The following MAGI1 variants were observed in gnomAD, a reference collection of about 807,000 sequenced individuals.
MAGI1 encodes membrane-associated guanylate kinase, WW and PDZ domain-containing protein 1.
Under a neutral mutation model 139.9 loss-of-function variants are expected in MAGI1, and 58 were observed. The ratio of observed to expected loss-of-function variants is 0.41; its 90% CI spans 0.34 to 0.52. The LOEUF is 0.52. Among genes scored for constraint, MAGI1 ranks in the 20% least tolerant of loss-of-function variants. MAGI1 has a pLI of 0.12. For missense variants in MAGI1, 1,874 were observed against 1,901.6 expected, an observed-to-expected ratio of 0.99 and a Z score of 0.27; for synonymous variants, 812 against 737.9, an observed-to-expected ratio of 1.10 and a Z score of -1.63.
chr3:65,489,213 C>T (rs754571676), intron 3 of MAGI1, among the ~76,000 whole-genome samples: 2 of 152,098 alleles, frequency 1.3e-5, no homozygotes, highest in Non-Finnish European at 2.9e-5. Context: ...CTTTGAAGAG[C>T]ACCTACTATG....
intron 1 of MAGI1, among the ~76,000 whole-genome samples, chr3:65,843,210 G>A (rs1449910110): frequency 6.6e-6 from 1 of 152,136 alleles, no homozygotes; most frequent in Non-Finnish European, 1.5e-5. Context: ...ATTATCTCCT[G>A]GATCCTTTTT....
At chr3:65,572,471 T>C (rs576665384) in intron 2 of MAGI1, among the ~76,000 whole-genome samples, 13 of 151,944 alleles carry the variant, frequency 8.6e-5, no homozygotes, top group Non-Finnish European at 1.8e-4. Flanking sequence ...AGCTGGGGAG[T>C]TACTACTGTC....
chr3:65,519,800 G>A (rs979510366), intron 2 of MAGI1, among the ~76,000 whole-genome samples: 2 of 152,222 alleles, frequency 1.3e-5, no homozygotes, highest in African/African-American at 2.4e-5. Context: ...TGAAGTTACA[G>A]ATTGTGATAG....
At chr3:65,985,006 C>T (rs750673479) in intron 1 of MAGI1, among the ~76,000 whole-genome samples, 4 of 152,172 alleles carry the variant, frequency 2.6e-5, no homozygotes, top group Non-Finnish European at 5.9e-5. Context: ...TCTAACTCTC[C>T]ATCCAGTTCT....
intron 1 of MAGI1, among the ~76,000 whole-genome samples, chr3:66,019,778 T>C (rs1205813121): frequency 6.6e-6 from 1 of 152,160 alleles, no homozygotes; most frequent in East Asian, 1.9e-4. Context: ...GCAATTAAAT[T>C]TCCCATGGCA....
intron 2 of MAGI1, among the ~76,000 whole-genome samples, chr3:65,526,189 CTT>C: frequency 6.6e-6 from 1 of 152,190 alleles, no homozygotes; most frequent in East Asian, 1.9e-4. Flanking sequence ...TTTCACTTTT[CTT>C]TTTTTCCTGC....
chr3:65,733,483 T>G (rs928270024), intron 1 of MAGI1, among the ~76,000 whole-genome samples: 6 of 152,214 alleles, frequency 3.9e-5, no homozygotes, highest in Non-Finnish European at 4.4e-5. Flanking sequence ...CTTGAAGATT[T>G]AGCCCATCAG....
chr3:65,833,509 T>A (rs1575644245), intron 1 of MAGI1, among the ~76,000 whole-genome samples: 1 of 152,180 alleles, frequency 6.6e-6, no homozygotes, highest in African/African-American at 2.4e-5. Context: ...ACAACTCCAA[T>A]TCAAAACAGA....
At chr3:65,642,918 G>A (rs954401577) in intron 1 of MAGI1, among the ~76,000 whole-genome samples, 2 of 152,224 alleles carry the variant, frequency 1.3e-5, no homozygotes, top group African/African-American at 2.4e-5. Context: ...GTTTTGAGTG[G>A]TGCAAGCCAA....
intron 1 of MAGI1, among the ~76,000 whole-genome samples, chr3:66,009,543 A>C (rs193241812): frequency 6.6e-6 from 1 of 152,216 alleles, no homozygotes; most frequent in East Asian, 1.9e-4. Context: ...TCTGAATTCA[A>C]GACCTGGTTC....
chr3:65,892,891 G>A (rs1313718746), intron 1 of MAGI1, among the ~76,000 whole-genome samples: 1 of 152,146 alleles, frequency 6.6e-6, no homozygotes, highest in Non-Finnish European at 1.5e-5. Context: ...GGCTTAGAGA[G>A]GTCACAAAGC....
Position 65,356,451 on chromosome 3 carries a change from C to A in MAGI1, c.4316G>T (p.Gly1439Val), listed in dbSNP as rs144133607. 3.1e-6 allele frequency: 5 copies of A among 1,611,402 alleles called. No individual in the cohort carries two copies. Among genetic ancestry groups the A allele is most frequent in the Non-Finnish European group, 4.2e-6 (5 of 1,179,758 alleles). The change falls in exon 23 of 23, where the codon GGC (glycine) becomes GTC (valine). Residue 1439 changes from glycine (G) to valine (V), a missense_variant. Gly to Val is a moderately radical substitution (Grantham distance 109, BLOSUM62 -3). This residue lies in a region of MAGI1 where 653 missense variants were observed against 644.5 expected (regional missense o/e 1.01). Coordinates refer to ENST00000402939, the MANE Select transcript of MAGI1 (RefSeq NM_001033057.2). ...CTCCGGGGGATGTCTGGAACTTCTG[C>A]CGGCATCCTGTTTCAGATTCGCCTC... ...REEANLKQDAGRSSRHPPEQR... is the reference protein window; with the variant it reads ...REEANLKQDAVRSSRHPPEQR...
intron 1 of MAGI1, among the ~76,000 whole-genome samples, chr3:65,753,987 A>T (rs536337840): frequency 6.6e-6 from 1 of 152,326 alleles, no homozygotes; most frequent in South Asian, 2.1e-4. Flanking sequence ...CACAGTGTGT[A>T]AAGAATGAAT....
intron 2 of MAGI1, among the ~76,000 whole-genome samples, chr3:65,597,479 C>G (rs1451456935): frequency 6.6e-6 from 1 of 151,894 alleles, no homozygotes; most frequent in Non-Finnish European, 1.5e-5. Flanking sequence ...CTCTCCCTAT[C>G]CACTGACCTC....
intron 1 of MAGI1, among the ~76,000 whole-genome samples, chr3:65,879,721 C>T (rs2060251369): frequency 6.6e-6 from 1 of 152,160 alleles, no homozygotes; most frequent in Admixed American, 6.5e-5. Context: ...TAGAAAGGAG[C>T]AAAATGGTAG....
intron 1 of MAGI1, among the ~76,000 whole-genome samples, chr3:65,807,187 C>T (rs1214299818): frequency 1.3e-5 from 2 of 152,138 alleles, no homozygotes; most frequent in Admixed American, 6.5e-5. Context: ...TATAACAGAA[C>T]GCCTTAGACT....
intron 2 of MAGI1, among the ~76,000 whole-genome samples, chr3:65,578,990 T>C (rs1383895261): frequency 1.3e-5 from 2 of 150,324 alleles, no homozygotes; most frequent in African/African-American, 4.9e-5. Context: ...CTGCAAGCTC[T>C]CCTAAAGCGA....
At chr3:65,854,212 C>T (rs1485727707) in intron 1 of MAGI1, among the ~76,000 whole-genome samples, 14 of 149,328 alleles carry the variant, frequency 9.4e-5, no homozygotes, top group Admixed American at 9.3e-4. Context: ...ACTCAGGAGG[C>T]TGAGATGGGA....
At chr3:65,425,003 G>C (rs1946905339) in intron 12 of MAGI1, among the ~76,000 whole-genome samples, 1 of 150,606 alleles carries the variant, frequency 6.6e-6, no homozygotes, top group Non-Finnish European at 1.5e-5. Context: ...TTAAGCCCAG[G>C]AGTTTGAGGT....
Sources: gnomAD v4.1 joint callset for allele counts (sites outside exome capture counted in the v4.1 genomes callset) on GRCh38, gnomAD v4.1.1 for gene constraint, gnomAD v4.1.1 regional missense constraint, MANE v1.5 for transcripts, NCBI Gene and HGNC (gene_info 2026-07-23, HGNC 2026-07-21) for gene names.